PLPPR1: variants seen among roughly 807,000 people sequenced by gnomAD.
PLPPR1 encodes the protein phospholipid phosphatase related 1.
Under a neutral mutation model 33.1 loss-of-function variants are expected in PLPPR1, and 10 were observed. The ratio of observed to expected loss-of-function variants is 0.30; its 90% CI spans 0.19 to 0.51. The LOEUF (loss-of-function observed/expected upper bound fraction) is 0.51. Ranked by LOEUF, PLPPR1 falls within the 20% of genes least tolerant of loss-of-function variation. The pLI is 0.97. For synonymous variants in PLPPR1, 151 were observed against 151.0 expected (o/e 1.00, Z 0.00); for missense variants, 304 against 408.1 (o/e 0.74, Z 2.20).
intron 1 of PLPPR1, among the ~76,000 whole-genome samples, chr9:101,149,691 C>T (rs1831559635): frequency 1.3e-5 from 2 of 152,066 alleles, no homozygotes; most frequent in African/African-American, 4.8e-5. Context: ...GAGTCAGAAG[C>T]CAATAGAAGT....
intron 3 of PLPPR1, among the ~76,000 whole-genome samples, chr9:101,271,805 C>G (rs898281111): frequency 6.6e-6 from 1 of 152,182 alleles, no homozygotes; most frequent in African/African-American, 2.4e-5. Flanking sequence ...TATTTCCTCT[C>G]TTCTTCCCAG....
At chr9:101,054,516 G>A (rs887269647) in intron 1 of PLPPR1, among the ~76,000 whole-genome samples, 4 of 152,252 alleles carry the variant, frequency 2.6e-5, no homozygotes, top group East Asian at 3.9e-4. Flanking sequence ...CTGGCATTAA[G>A]GTGTAATATT....
intron 3 of PLPPR1, among the ~76,000 whole-genome samples, chr9:101,285,623 A>G (rs1828380781): frequency 6.6e-6 from 1 of 152,192 alleles, no homozygotes. Flanking sequence ...TATAAAGAAG[A>G]GTTAAATTCT....
At chr9:101,045,475 A>G (rs766275668) in intron 1 of PLPPR1, among the ~76,000 whole-genome samples, 10 of 152,236 alleles carry the variant, frequency 6.6e-5, no homozygotes, top group Non-Finnish European at 1.5e-4. Context: ...AATGACTCTG[A>G]GCTTCTGAGA....
intron 2 of PLPPR1, among the ~76,000 whole-genome samples, chr9:101,256,884 T>G (rs1210450402): frequency 6.6e-6 from 1 of 152,156 alleles, no homozygotes; most frequent in East Asian, 1.9e-4. Flanking sequence ...TTATTAAATT[T>G]GATGCCTGTA....
At chr9:101,118,409 C>G (rs1831140063) in intron 1 of PLPPR1, among the ~76,000 whole-genome samples, 2 of 152,158 alleles carry the variant, frequency 1.3e-5, no homozygotes, top group Admixed American at 1.3e-4. Flanking sequence ...ATAAATCAAA[C>G]AAGAGGTGAC....
At chr9:101,136,591 TG>T (rs1169504814) in intron 1 of PLPPR1, among the ~76,000 whole-genome samples, 1 of 152,236 alleles carries the variant, frequency 6.6e-6, no homozygotes, top group African/African-American at 2.4e-5. Flanking sequence ...GTTCAATTTT[TG>T]GTCAATAAGG....
intron 1 of PLPPR1, among the ~76,000 whole-genome samples, chr9:101,179,319 T>C (rs1826064702): frequency 6.6e-6 from 1 of 152,174 alleles, no homozygotes; most frequent in Non-Finnish European, 1.5e-5. Flanking sequence ...AGTTGCTTGC[T>C]GAAGGCAAAG....
chr9:101,236,254 A>AT (rs920345229), intron 2 of PLPPR1, among the ~76,000 whole-genome samples: 27 of 151,698 alleles, frequency 1.8e-4, no homozygotes, highest in Admixed American at 1.5e-3. Flanking sequence ...GTCAATGCAA[A>AT]TTTTTTTCTG....
intron 6 of PLPPR1, among the ~76,000 whole-genome samples, chr9:101,313,979 T>C (rs560276414): frequency 7.0e-4 from 106 of 152,348 alleles, no homozygotes; most frequent in African/African-American, 2.4e-3. Flanking sequence ...GTAGAATGTA[T>C]CCATAATTCC....
At chr9:101,274,535 T>C (rs1198826416) in intron 3 of PLPPR1, among the ~76,000 whole-genome samples, 6 of 152,168 alleles carry the variant, frequency 3.9e-5, no homozygotes, top group African/African-American at 9.7e-5. Context: ...GGCGCTTGAT[T>C]TTCCCTCAAG....
chr9:101,133,144 C>T (rs191741183), intron 1 of PLPPR1, among the ~76,000 whole-genome samples: 24 of 152,194 alleles, frequency 1.6e-4, no homozygotes, highest in Admixed American at 4.6e-4. Context: ...ATAGAATTTT[C>T]CCCATCAATA....
intron 4 of PLPPR1, among the ~76,000 whole-genome samples, chr9:101,296,720 T>C (rs964002695): frequency 6.6e-6 from 1 of 152,030 alleles, no homozygotes; most frequent in Non-Finnish European, 1.5e-5. Context: ...ACCGTATATT[T>C]TCACTCATAG....
At chr9:101,100,218 T>C (rs1382884449) in intron 1 of PLPPR1, among the ~76,000 whole-genome samples, 1 of 151,898 alleles carries the variant, frequency 6.6e-6, no homozygotes, top group African/African-American at 2.4e-5. Flanking sequence ...GATAAAAAGG[T>C]CTGATTTAAA....
intron 2 of PLPPR1, among the ~76,000 whole-genome samples, chr9:101,209,032 A>ATTGT (rs942749402): frequency 2.6e-5 from 4 of 152,194 alleles, no homozygotes; most frequent in Non-Finnish European, 5.9e-5. Flanking sequence ...ATTTTAAAAA[A>ATTGT]TTGTTTTTCT....
intron 2 of PLPPR1, among the ~76,000 whole-genome samples, chr9:101,193,316 C>T (rs1430874637): frequency 6.6e-6 from 1 of 152,088 alleles, no homozygotes; most frequent in Non-Finnish European, 1.5e-5. Flanking sequence ...TTCCTATATT[C>T]CTTAATGGTT....
intron 1 of PLPPR1, among the ~76,000 whole-genome samples, chr9:101,171,130 G>C (rs1306445110): frequency 6.6e-6 from 1 of 152,092 alleles, no homozygotes; most frequent in Non-Finnish European, 1.5e-5. Flanking sequence ...AAGTTCAAAG[G>C]ATTCATAAAG....
chr9:101,055,944 C>A (rs1246217186), intron 1 of PLPPR1, among the ~76,000 whole-genome samples: 1 of 152,240 alleles, frequency 6.6e-6, no homozygotes, highest in Admixed American at 6.5e-5. Context: ...CCAAAGCTAA[C>A]TGCCTCCTGT....
intron 2 of PLPPR1, among the ~76,000 whole-genome samples, chr9:101,203,747 A>C (rs919838460): frequency 1.3e-5 from 2 of 151,428 alleles, no homozygotes; most frequent in African/African-American, 4.8e-5. Context: ...ATCTATCTAT[A>C]TATATAGACA....
Sources: allele counts gnomAD v4.1 joint callset (sites outside exome capture counted in the v4.1 genomes callset), GRCh38; gene constraint gnomAD v4.1.1; transcripts MANE v1.5; gene names NCBI Gene and HGNC (gene_info 2026-07-23, HGNC 2026-07-21).